Variants in CTNNA2 observed in about 807,000 individuals in gnomAD.
The protein encoded by CTNNA2 is catenin alpha-2.
CTNNA2 carries 42 observed loss-of-function variants against 101.0 expected under a neutral mutation model. The ratio of observed to expected loss-of-function variants is 0.42; its 90% CI spans 0.32 to 0.54. The LOEUF is 0.54. CTNNA2 is among the 20% of genes least tolerant of loss of function. CTNNA2 has a pLI of 0.14. For missense variants in CTNNA2, 871 were observed against 1,223.1 expected (o/e 0.71, Z 4.29); for synonymous variants, 450 against 456.4 (o/e 0.99, Z 0.18).
At chr2:79,980,924 T>C (rs780357473) in intron 7 of CTNNA2, among the ~76,000 whole-genome samples, 30 of 152,162 alleles carry the variant, frequency 2.0e-4, no homozygotes, top group Non-Finnish European at 2.9e-4. Flanking sequence ...TTCTTTCTTT[T>C]TTTTTTAACA....
At chr2:79,239,374 G>T (rs181145794) in intron 2 of CTNNA2, among the ~76,000 whole-genome samples, 4 of 152,014 alleles carry the variant, frequency 2.6e-5, no homozygotes, top group African/African-American at 9.7e-5. Context: ...AAAAGATTTC[G>T]TATTTAATAA....
intron 3 of CTNNA2, among the ~76,000 whole-genome samples, chr2:79,372,839 G>T (rs563870775): frequency 6.6e-6 from 1 of 152,106 alleles, no homozygotes; most frequent in African/African-American, 2.4e-5. Context: ...CCTACCAAAG[G>T]TATACAATCT....
chr2:80,066,537 G>A (rs1270345729), intron 7 of CTNNA2, among the ~76,000 whole-genome samples: 1 of 152,122 alleles, frequency 6.6e-6, no homozygotes, highest in Non-Finnish European at 1.5e-5. Context: ...AAATCATAAT[G>A]AGCTATCACC....
chr2:80,319,762 C>T (rs1359238557), intron 7 of CTNNA2, among the ~76,000 whole-genome samples: 2 of 152,110 alleles, frequency 1.3e-5, no homozygotes, highest in African/African-American at 4.8e-5. Context: ...ATGGCATTTA[C>T]CACCCACCTA....
At chr2:80,374,791 A>G (rs994164971) in intron 7 of CTNNA2, among the ~76,000 whole-genome samples, 2 of 151,166 alleles carry the variant, frequency 1.3e-5, no homozygotes, top group Admixed American at 1.3e-4. Context: ...TCTCATTTTA[A>G]CTTAATTACC....
At chr2:79,610,225 C>G (rs1678177010) in intron 1 of CTNNA2, among the ~76,000 whole-genome samples, 1 of 152,116 alleles carries the variant, frequency 6.6e-6, no homozygotes, top group African/African-American at 2.4e-5. Context: ...GTGATACACA[C>G]TATTCACACA....
At chr2:79,334,073 G>A (rs1024912144) in intron 3 of CTNNA2, among the ~76,000 whole-genome samples, 1 of 152,070 alleles carries the variant, frequency 6.6e-6, no homozygotes, top group Non-Finnish European at 1.5e-5. Flanking sequence ...CAGCTATCAT[G>A]TCTTTGTGTT....
intron 7 of CTNNA2, among the ~76,000 whole-genome samples, chr2:80,082,166 G>A (rs953490147): frequency 6.6e-6 from 1 of 152,040 alleles, no homozygotes; most frequent in Non-Finnish European, 1.5e-5. Context: ...GTCATCTGAT[G>A]CTATTTTTTC....
intron 9 of CTNNA2, among the ~76,000 whole-genome samples, chr2:80,471,997 A>G (rs1444220959): frequency 1.3e-5 from 2 of 152,090 alleles, no homozygotes; most frequent in African/African-American, 4.8e-5. Flanking sequence ...GTCATGGCAC[A>G]TGCCTGTAAT....
chr2:79,803,143 A>G (rs72824557), intron 3 of CTNNA2, among the ~76,000 whole-genome samples: 7,394 of 152,234 alleles, frequency 0.049, 230 homozygotes, highest in Middle Eastern at 0.12. Flanking sequence ...TGAATTGTCT[A>G]TTTTTCACAC....
At chr2:80,376,277 A>G (rs941924232) in intron 7 of CTNNA2, among the ~76,000 whole-genome samples, 6 of 152,032 alleles carry the variant, frequency 3.9e-5, no homozygotes, top group African/African-American at 1.4e-4. Context: ...CACCCTTCAC[A>G]CAGAGGTTTC....
At chr2:79,290,906 T>C (rs1012453485) in intron 2 of CTNNA2, among the ~76,000 whole-genome samples, 3 of 152,166 alleles carry the variant, frequency 2.0e-5, no homozygotes, top group African/African-American at 7.2e-5. Context: ...GGGGTCTAAT[T>C]GCGCTGACTA....
chr2:79,472,265 C>A (rs180945731), intron 4 of CTNNA2, among the ~76,000 whole-genome samples: 2 of 152,302 alleles, frequency 1.3e-5, no homozygotes, highest in East Asian at 1.9e-4. Flanking sequence ...GAGAATAATC[C>A]TTTTTGGCTT....
At chr2:79,297,712 T>TAGAG (rs1676014532) in intron 2 of CTNNA2, among the ~76,000 whole-genome samples, 2 of 152,186 alleles carry the variant, frequency 1.3e-5, no homozygotes, top group Non-Finnish European at 2.9e-5. Context: ...CATCTACTCA[T>TAGAG]TGCTTTAACT....
chr2:80,589,521 A>G (rs762771536), intron 15 of CTNNA2, 36 bp downstream of exon 15: 2 of 1,598,990 alleles, frequency 1.3e-6, no homozygotes, highest in Non-Finnish European at 1.7e-6. Context: ...AGATTTTTTC[A>G]TTAAACCCAG....
intron 1 of CTNNA2, among the ~76,000 whole-genome samples, chr2:79,609,209 CTG>C (rs1678106912): frequency 6.6e-6 from 1 of 152,026 alleles, no homozygotes; most frequent in East Asian, 1.9e-4. Context: ...CAAATAAACT[CTG>C]TTTATAGATA....
intron 2 of CTNNA2, among the ~76,000 whole-genome samples, chr2:79,235,828 G>A (rs915139760): frequency 4.6e-5 from 7 of 152,306 alleles, no homozygotes; most frequent in African/African-American, 1.7e-4. Flanking sequence ...CAGGACAGCT[G>A]GGCTGGAAGC....
chr2:80,204,012 A>G (rs2149022788), intron 7 of CTNNA2, among the ~76,000 whole-genome samples: 1 of 152,268 alleles, frequency 6.6e-6, no homozygotes, highest in Non-Finnish European at 1.5e-5. Flanking sequence ...CCTGAGCTAT[A>G]CCATGGCCCC....
intron 7 of CTNNA2, among the ~76,000 whole-genome samples, chr2:80,132,081 C>T (rs1005799319): frequency 1.3e-5 from 2 of 151,942 alleles, no homozygotes; most frequent in Admixed American, 1.3e-4. Flanking sequence ...AACTCTGTCT[C>T]AAAAAACATG....
Sources: gnomAD v4.1 joint callset for allele counts (sites outside exome capture counted in the v4.1 genomes callset) on GRCh38, gnomAD v4.1.1 for gene constraint, MANE v1.5 for transcripts, NCBI Gene and HGNC (gene_info 2026-07-23, HGNC 2026-07-21) for gene names.